Variants in ATP2B1 observed in about 807,000 individuals in gnomAD.
The protein encoded by ATP2B1 is ATPase plasma membrane Ca2+ transporting 1.
A neutral mutation model predicts 124.2 loss-of-function variants in ATP2B1; 14 were observed. That is an observed-to-expected ratio of 0.11 (90% CI 0.07 to 0.18). The LOEUF is 0.18. Ranked by LOEUF, ATP2B1 falls within the 10% of genes least tolerant of loss-of-function variation. The pLI is 1.00. For synonymous variants in ATP2B1, 449 were observed against 492.4 expected, an observed-to-expected ratio of 0.91 and a Z score of 1.17; for missense variants, 763 against 1,466.1, an observed-to-expected ratio of 0.52 and a Z score of 7.83.
intron 1 of ATP2B1, among the ~76,000 whole-genome samples, chr12:89,690,675 C>T (rs1421684717): frequency 6.6e-6 from 1 of 151,950 alleles, no homozygotes; most frequent in Admixed American, 6.6e-5. Flanking sequence ...GATTATTGTG[C>T]TTTTCTACTA....
At chr12:89,707,084 G>C (rs1333208261) in intron 1 of ATP2B1, among the ~76,000 whole-genome samples, 1 of 152,088 alleles carries the variant, frequency 6.6e-6, no homozygotes, top group Non-Finnish European at 1.5e-5. Flanking sequence ...AAAAGAGAGG[G>C]GAGGAGGAGG....
At chr12:89,644,118 T>C (rs1322190213) in intron 2 of ATP2B1, among the ~76,000 whole-genome samples, 4 of 151,946 alleles carry the variant, frequency 2.6e-5, no homozygotes, top group Non-Finnish European at 5.9e-5. Context: ...CAAGACTCTG[T>C]TTCCGAAAAA....
chr12:89,665,387 G>C (rs1014280736), intron 1 of ATP2B1, among the ~76,000 whole-genome samples: 2 of 152,038 alleles, frequency 1.3e-5, no homozygotes, highest in South Asian at 2.1e-4. Context: ...ATTTTTAAAA[G>C]TTTAACAGAG....
At position 89,588,401 on chromosome 12, in the gene ATP2B1, GA is replaced by G. The variant is rs1051875385; in HGVS notation, c.*2582del. On this transcript the variant is annotated 3_prime_UTR_variant, in exon 21 of 21. Transcript: ENST00000428670. ...ACCACAAAAAAGGCAATGATGAGGAGAAAAGGATTTTTAAAAAATATACAAA... is the reference window on the plus strand; with the variant it reads ...ACCACAAAAAAGGCAATGATGAGGAGAAAGGATTTTTAAAAAATATACAAA... 6.6e-6 allele frequency: 1 copy of G among 152,514 alleles called. No homozygotes were observed. The highest frequency in any genetic ancestry group is 2.4e-5 in the African/African-American group (1 of 41,428). 9.4% of individuals were successfully genotyped at this position (152,514 alleles called of 1,614,324 possible).
intron 1 of ATP2B1, among the ~76,000 whole-genome samples, chr12:89,695,979 A>T (rs1189564171): frequency 6.6e-6 from 1 of 152,216 alleles, no homozygotes. Flanking sequence ...GTCCAGTGTC[A>T]GTGGATTCAA....
At position 89,655,758 on chromosome 12, in the gene ATP2B1, T is replaced by C; in HGVS notation, c.129A>G (p.Thr43=). ...TTTCCTGTATTTTTCGTAATGCATC[T>C]GTGGACCTGAGCTCCATGAGAGCCC... is the stretch of plus-strand genomic sequence containing the variant. ...ELRALMELRS[T]DALRKIQESY... is the part of the protein sequence containing the mutation. The change falls in exon 2 of 21, where the codon ACA becomes ACG. Residue 43 remains threonine, a synonymous_variant. Transcript: ENST00000428670. The C allele has an allele frequency of 6.2e-7, 1 of 1,614,210 alleles. No homozygotes were observed. Among genetic ancestry groups the C allele is most frequent in the East Asian group, 2.2e-5 (1 of 44,888 alleles).
intron 1 of ATP2B1, among the ~76,000 whole-genome samples, chr12:89,660,049 G>A: frequency 6.6e-6 from 1 of 151,906 alleles, no homozygotes; most frequent in East Asian, 1.9e-4. Context: ...AAGACATGGA[G>A]TGCTAAAAAT....
chr12:89,642,100 A>T (rs920600477), intron 3 of ATP2B1, 58 bp downstream of exon 3: 20 of 1,495,964 alleles, frequency 1.3e-5, no homozygotes, highest in Non-Finnish European at 1.8e-5. Context: ...TTGTGCATTA[A>T]CTAAATGAAT....
At chr12:89,687,956 T>C (rs1182441776) in intron 1 of ATP2B1, among the ~76,000 whole-genome samples, 4 of 152,062 alleles carry the variant, frequency 2.6e-5, no homozygotes, top group Non-Finnish European at 4.4e-5. Context: ...CTAAATCAGA[T>C]AGTTATTTAA....
chr12:89,608,025 G>C (rs560263573), intron 15 of ATP2B1, among the ~76,000 whole-genome samples: 2 of 151,666 alleles, frequency 1.3e-5, no homozygotes, highest in African/African-American at 4.8e-5. Flanking sequence ...GCGATTTCTT[G>C]TAACTAAAAA....
intron 1 of ATP2B1, among the ~76,000 whole-genome samples, chr12:89,706,521 T>TA (rs1565940161): frequency 6.6e-6 from 1 of 152,128 alleles, no homozygotes; most frequent in Non-Finnish European, 1.5e-5. Flanking sequence ...AATATTATTA[T>TA]AAACACAAAT....
At chr12:89,649,707 G>A (rs976628042) in intron 2 of ATP2B1, among the ~76,000 whole-genome samples, 1 of 152,178 alleles carries the variant, frequency 6.6e-6, no homozygotes, top group Non-Finnish European at 1.5e-5. Flanking sequence ...GGTGGGGGCA[G>A]GGGTGGAATA....
chr12:89,655,564 CTATAAT>C (rs1885854583), intron 2 of ATP2B1, 109 bp downstream of exon 2: 2 of 1,006,142 alleles, frequency 2.0e-6, no homozygotes, highest in Non-Finnish European at 3.0e-6. Context: ...TTTAATGTCA[CTATAAT>C]TATGTCATAA....
At position 89,610,076 on chromosome 12, in the gene ATP2B1, A is replaced by T. The variant is rs552390691; in HGVS notation, c.2336-33T>A. 3.8e-5 allele frequency: 59 copies of T among 1,552,172 alleles called. No homozygotes were observed. The African/African-American group carries it at 6.1e-4, about 16-fold the overall frequency. ...ACAAGCAAATATTTGTGTTATAAAA[A>T]CATTACTCTTTAATAAGATGATTCT... On this transcript the variant is annotated intron_variant, in intron 14 of 20. Coordinates refer to ENST00000428670, the MANE Select transcript of ATP2B1 (RefSeq NM_001366521.1).
chr12:89,651,806 G>T lies in ATP2B1; in HGVS notation c.208+3873C>A, dbSNP rs1229236501. On this transcript the variant is annotated intron_variant, in intron 2 of 20. Coordinates refer to ENST00000428670, the MANE Select transcript of ATP2B1 (RefSeq NM_001366521.1). ...GGTCTCTGAAGCCAGAATAAGACTG[G>T]AGCCAGAGTGAGACTCTGGGTAAAC... Among the ~76,000 whole-genome samples, 4 of 152,142 alleles carry T rather than the reference G, an allele frequency of 2.6e-5. No individual in the cohort carries two copies. The South Asian group carries it at 8.3e-4, about 32-fold the overall frequency.
intron 3 of ATP2B1, among the ~76,000 whole-genome samples, chr12:89,636,305 G>A (rs1396154372): frequency 6.6e-6 from 1 of 152,112 alleles, no homozygotes; most frequent in Non-Finnish European, 1.5e-5. Flanking sequence ...TTGACTTCGG[G>A]CTGTAATCTA....
chr12:89,591,177 G>A lies in ATP2B1; in HGVS notation c.3470C>T (p.Pro1157Leu). The A allele has an allele frequency of 1.2e-6, 2 of 1,613,264 alleles. No individual in the cohort carries two copies. The highest frequency in any genetic ancestry group is 8.5e-7 in the Non-Finnish European group (1 of 1,179,392). ...AGTGTCATCAATAAGGGGGATATGA[G>A]GCTCTGAATCTTCTATCCTAAACTC... ...HPEFRIEDSE[P>L]HIPLIDDTDA... Residue 1157 changes from proline (P) to leucine (L), a missense_variant, in exon 21 of 21, where the codon CCT (proline) becomes CTT (leucine). Physicochemically the swap from Pro to Leu is moderately conservative, Grantham distance 98 (BLOSUM62 -3). Transcript: ENST00000428670.
At chr12:89,600,265 C>T (rs1180891742) in intron 19 of ATP2B1, among the ~76,000 whole-genome samples, 1 of 152,196 alleles carries the variant, frequency 6.6e-6, no homozygotes, top group African/African-American at 2.4e-5. Context: ...AGTCTGGTTT[C>T]ACTGATTTGC....
At chr12:89,690,257 T>C (rs1318973870) in intron 1 of ATP2B1, among the ~76,000 whole-genome samples, 5 of 152,020 alleles carry the variant, frequency 3.3e-5, no homozygotes, top group African/African-American at 1.2e-4. Context: ...AAACATTTGC[T>C]CTCCTTTTTT....
Sources: gnomAD v4.1 joint callset for allele counts (sites outside exome capture counted in the v4.1 genomes callset) on GRCh38, gnomAD v4.1.1 for gene constraint, MANE v1.5 for transcripts, NCBI Gene and HGNC (gene_info 2026-07-23, HGNC 2026-07-21) for gene names.